CUL1: variants seen among roughly 807,000 people sequenced by gnomAD.
CUL1 encodes the protein cullin 1.
Under a neutral mutation model 118.0 loss-of-function variants are expected in CUL1, and 24 were observed. The ratio of observed to expected loss-of-function variants is 0.20; its 90% CI spans 0.15 to 0.29. CUL1 has a LOEUF of 0.29. Among genes scored for constraint, CUL1 ranks in the 10% least tolerant of loss-of-function variants. The probability of loss-of-function intolerance (pLI) is 1.00; values close to 1 mark genes in which losing one functional copy is unlikely to be tolerated. For synonymous variants in CUL1, 332 were observed against 340.4 expected, an observed-to-expected ratio of 0.98 and a Z score of 0.27; for missense variants, 361 against 933.8, an observed-to-expected ratio of 0.39 and a Z score of 7.99.
At chr7:148,754,190 A>C (rs766678018) in intron 3 of CUL1, 40 bp downstream of exon 3, 1 of 1,319,546 alleles carries the variant, frequency 7.6e-7, no homozygotes, top group Non-Finnish European at 1.0e-6. Context: ...TCATAACAGG[A>C]TATAAAAAAA....
At chr7:148,746,783 C>T (rs1799321880) in intron 2 of CUL1, among the ~76,000 whole-genome samples, 1 of 152,184 alleles carries the variant, frequency 6.6e-6, no homozygotes, top group South Asian at 2.1e-4. Context: ...TTCTAGTTGG[C>T]AGCATTTTCT....
At chr7:148,718,079 C>T (rs368270445) in intron 1 of CUL1, among the ~76,000 whole-genome samples, 5 of 152,246 alleles carry the variant, frequency 3.3e-5, no homozygotes, top group African/African-American at 9.6e-5. Flanking sequence ...CTGCTTTTAG[C>T]GCTGATACCA....
chr7:148,709,234 C>A (rs1563146014), intron 1 of CUL1, among the ~76,000 whole-genome samples: 1 of 152,200 alleles, frequency 6.6e-6, no homozygotes, highest in Non-Finnish European at 1.5e-5. Flanking sequence ...TGAGTACAGG[C>A]CAAACTGCGT....
At chr7:148,773,626 G>A (rs189267270) in intron 9 of CUL1, among the ~76,000 whole-genome samples, 196 of 152,274 alleles carry the variant, frequency 1.3e-3, no homozygotes, top group African/African-American at 4.5e-3. Flanking sequence ...CAGGGCTGCC[G>A]TCTCGGCTGC....
At chr7:148,731,890 C>G (rs183938519) in intron 2 of CUL1, among the ~76,000 whole-genome samples, 3 of 152,282 alleles carry the variant, frequency 2.0e-5, no homozygotes, top group Admixed American at 2.0e-4. Flanking sequence ...AGTTGTATAG[C>G]TAGTCTACAT....
rs1413506264 is a variant in CUL1, at chr7:148,700,860, A to G, written c.-162+1831A>G. ...AAAAGCCTCCCTCCCTGAGAGCCACATGCTCAGGTCCTTATAGCCAGCCCC... is the reference window on the plus strand; with the variant it reads ...AAAAGCCTCCCTCCCTGAGAGCCACGTGCTCAGGTCCTTATAGCCAGCCCC... On this transcript the variant is annotated intron_variant, in intron 1 of 21. Coordinates refer to ENST00000325222, the MANE Select transcript of CUL1 (RefSeq NM_003592.3). Among the ~76,000 whole-genome samples the G allele has an allele frequency of 2.6e-5, 4 of 152,202 alleles. No individual in the cohort carries two copies. In the East Asian group the frequency reaches 7.7e-4, roughly 29 times the overall value.
intron 1 of CUL1, among the ~76,000 whole-genome samples, chr7:148,714,669 G>A (rs756260976): frequency 2.0e-5 from 3 of 152,062 alleles, no homozygotes; most frequent in South Asian, 2.1e-4. Flanking sequence ...TTGCCATCTC[G>A]TGGTGATCTG....
intron 1 of CUL1, among the ~76,000 whole-genome samples, chr7:148,725,230 C>CACACACACACACAG (rs1798536872): frequency 6.6e-6 from 1 of 151,434 alleles, no homozygotes; most frequent in Non-Finnish European, 1.5e-5. Context: ...CTCACACACA[C>CACACACACACACAG]ACACACACAC....
At chr7:148,723,789 C>CTT (rs3059219) in intron 1 of CUL1, among the ~76,000 whole-genome samples, 32,610 of 145,046 alleles carry the variant, frequency 0.22, 4,438 homozygotes, top group Non-Finnish European at 0.3. Flanking sequence ...CAGCACAGAT[C>CTT]TTTTTTTTTT....
rs556011479 is a variant in CUL1 at position 148,730,239 on chromosome 7, G to A, written c.117G>A (p.Lys39=). The change falls in exon 2 of 22, where the codon AAG becomes AAA. Residue 39 remains lysine, a synonymous_variant. Coordinates refer to ENST00000325222, the MANE Select transcript of CUL1 (RefSeq NM_003592.3). ...QQVYTRQSMA[K]SRYMELYTHV... is the part of the protein sequence containing the mutation. The stretch of plus-strand genomic sequence containing the variant: ...TGTACACACGGCAGAGCATGGCCAA[G>A]TCCAGATATATGGAGCTCTACACGT... 6.2e-7 allele frequency: 1 copy of A among 1,603,714 alleles called. No homozygotes were observed. Among genetic ancestry groups the A allele is most frequent in the East Asian group, 2.3e-5 (1 of 44,196 alleles).
At chr7:148,725,198 TACACACACACACACGCGCGCGCTC>T (rs1176651279) in intron 1 of CUL1, among the ~76,000 whole-genome samples, 2 of 106,754 alleles carry the variant, frequency 1.9e-5, no homozygotes, top group African/African-American at 6.4e-5. Context: ...TGCGCGCGTG[TACACACACACACACGCGCGCGCTC>T]ACACACACAC....
chr7:148,753,053 T>C (rs1251764851), intron 2 of CUL1, among the ~76,000 whole-genome samples: 1 of 152,268 alleles, frequency 6.6e-6, no homozygotes, highest in Non-Finnish European at 1.5e-5. Context: ...TTTTAGCTTG[T>C]ATATTTTAAA....
intron 9 of CUL1, among the ~76,000 whole-genome samples, chr7:148,781,529 G>T (rs1800632423): frequency 6.6e-6 from 1 of 152,210 alleles, no homozygotes; most frequent in African/African-American, 2.4e-5. Context: ...GTGAGAAGTT[G>T]TTCCTGGCAT....
intron 7 of CUL1, among the ~76,000 whole-genome samples, chr7:148,765,679 T>C (rs1387781432): frequency 6.6e-6 from 1 of 152,218 alleles, no homozygotes; most frequent in East Asian, 1.9e-4. Context: ...AGTATTGGCA[T>C]TTTTATAATG....
chr7:148,738,036 T>C (rs1799016894), intron 2 of CUL1, among the ~76,000 whole-genome samples: 1 of 152,206 alleles, frequency 6.6e-6, no homozygotes, highest in Non-Finnish European at 1.5e-5. Flanking sequence ...TCTGTTCTGT[T>C]TAGTTTTGCT....
chr7:148,783,647 G>A (rs1800726450), intron 9 of CUL1, 136 bp from the exon 10 acceptor site: 13 of 1,545,470 alleles, frequency 8.4e-6, no homozygotes, highest in Non-Finnish European at 1.0e-5. Flanking sequence ...AGTATTTCTT[G>A]CTCTTATCTC....
intron 1 of CUL1, among the ~76,000 whole-genome samples, chr7:148,718,474 A>G (rs759498818): frequency 6.6e-6 from 1 of 152,206 alleles, no homozygotes; most frequent in Non-Finnish European, 1.5e-5. Flanking sequence ...AAATGGAGTC[A>G]TATGATACGT....
At chr7:148,771,727 G>A (rs1055637744) in intron 9 of CUL1, among the ~76,000 whole-genome samples, 3 of 152,162 alleles carry the variant, frequency 2.0e-5, no homozygotes, top group Admixed American at 6.5e-5. Flanking sequence ...AACTGGTTTC[G>A]AGCTGAGCAA....
chr7:148,749,940 A>G (rs531402446), intron 2 of CUL1, among the ~76,000 whole-genome samples: 2 of 152,362 alleles, frequency 1.3e-5, no homozygotes, highest in Non-Finnish European at 2.9e-5. Flanking sequence ...AAACAGCCAT[A>G]TTGCTGGTAA....
Sources: gnomAD v4.1 joint callset for allele counts (sites outside exome capture counted in the v4.1 genomes callset) on GRCh38, gnomAD v4.1.1 for gene constraint, MANE v1.5 for transcripts, NCBI Gene and HGNC (gene_info 2026-07-23, HGNC 2026-07-21) for gene names.